The following KIF13A variants were observed in gnomAD, a reference collection of about 807,000 sequenced individuals.
KIF13A encodes the protein kinesin-like protein KIF13A.
Under a neutral mutation model 212.2 loss-of-function variants are expected in KIF13A, and 79 were observed. That is an observed-to-expected ratio of 0.37 (90% CI 0.31 to 0.45). KIF13A has a LOEUF of 0.45. Ranked by LOEUF, KIF13A falls within the 20% of genes least tolerant of loss-of-function variation. KIF13A has a pLI of 1.00. For synonymous variants in KIF13A, 789 were observed against 808.6 expected (o/e 0.98, Z 0.41); for missense variants, 1,901 against 2,209.0 (o/e 0.86, Z 2.79).
chr6:17,924,301 T>C (rs990681972), intron 2 of KIF13A, among the ~76,000 whole-genome samples: 6 of 152,228 alleles, frequency 3.9e-5, no homozygotes, highest in Middle Eastern at 6.3e-3. Context: ...TAGTTAGAGC[T>C]GGTGACAATA....
At position 17,809,058 on chromosome 6, in the gene KIF13A, G is replaced by A; in HGVS notation, c.2001-128C>T. The A allele has an allele frequency of 1.2e-6, 1 of 846,506 alleles. No individual in the cohort carries two copies. The highest frequency in any genetic ancestry group is 1.9e-5 in the South Asian group (1 of 51,890). The allele number at this position is 846,506 out of a possible 1,614,324, so 52.4% of individuals were successfully genotyped here. On this transcript the variant is annotated intron_variant, in intron 17 of 38. Transcript: ENST00000259711. This position sits in a 1 kb window ranked among gnomAD's most constrained non-coding sequence, Gnocchi z 4.7. ...CAGTATTTTTCAAACTATTTTACCAGACTACCTCTCATCCTTCCCTCCTGC... is the reference window on the plus strand; with the variant it reads ...CAGTATTTTTCAAACTATTTTACCAAACTACCTCTCATCCTTCCCTCCTGC...
rs890369791 is a variant in KIF13A at position 17,856,648 on chromosome 6, C to T, written c.221-526G>A. ...CAGGCACCCGTCACCTGTGTCCCCA[C>T]AGCGGGAGTGGGGGACAAGTTCTCT... On this transcript the variant is annotated intron_variant, in intron 4 of 38. Coordinates refer to ENST00000259711, the MANE Select transcript of KIF13A (RefSeq NM_022113.6). This position sits in a 1 kb window ranked among gnomAD's most constrained non-coding sequence, Gnocchi z 4.5. 9.2e-5 allele frequency among the ~76,000 whole-genome samples: 14 copies of T among 152,226 alleles called. No homozygotes were observed. The highest frequency in any genetic ancestry group is 2.9e-4 in the African/African-American group (12 of 41,456).
Position 17,987,412 on chromosome 6 carries a change from G to C in KIF13A, c.52C>G (p.Arg18Gly). The C allele has an allele frequency of 7.3e-7, 1 of 1,370,854 alleles. No homozygotes were observed. Among genetic ancestry groups the C allele is most frequent in the Non-Finnish European group, 9.7e-7 (1 of 1,033,498 alleles). 84.9% of individuals were successfully genotyped at this position (1,370,854 alleles called of 1,614,324 possible). The change falls in exon 1 of 39, where the codon CGA (arginine) becomes GGA (glycine). Residue 18 changes from arginine to glycine, a missense_variant. Arg to Gly is a moderately radical substitution (Grantham distance 125, BLOSUM62 -2). Transcript: ENST00000259711. This position sits in a 1 kb window ranked among gnomAD's most constrained non-coding sequence, Gnocchi z 7.7. ...VAVRVRPMNR[R>G]ELELNTKCVV... The stretch of plus-strand genomic sequence containing the variant: ...AAAAGAGCGGAAAGCTCCTCACCTC[G>C]TCGGTTCATGGGCCGGACCCGGACG...
chr6:17,873,517 G>T, intron 3 of KIF13A, 80 bp from the exon 4 acceptor site: 1 of 969,646 alleles, frequency 1.0e-6, no homozygotes, highest in Non-Finnish European at 1.6e-6. Flanking sequence ...AATCACAGGT[G>T]AAGATGAGAA....
chr6:17,820,278 C>G (rs1764317600), intron 16 of KIF13A, among the ~76,000 whole-genome samples: 1 of 152,180 alleles, frequency 6.6e-6, no homozygotes, highest in Non-Finnish European at 1.5e-5. Context: ...CTCTGAGACT[C>G]CCACAGTAGA....
intron 2 of KIF13A, among the ~76,000 whole-genome samples, chr6:17,908,182 C>G (rs1365010474): frequency 1.3e-5 from 2 of 152,216 alleles, no homozygotes. Context: ...ACGACTGCCC[C>G]ACAGTGTGAA....
In KIF13A at chr6:17,829,822, T is replaced by C. The variant is rs925179674; in HGVS notation, c.1401+1279A>G. 6.6e-6 allele frequency among the ~76,000 whole-genome samples: 1 copy of C among 152,126 alleles called. No individual in the cohort carries two copies. Among genetic ancestry groups the C allele is most frequent in the African/African-American group, 2.4e-5 (1 of 41,420 alleles). ...ACCAAATTTACACCTCTAGGAAAAG[T>C]AGAAGGTGAGGCTCCTTGCTTCAAT... On this transcript the variant is annotated intron_variant, in intron 13 of 38. Transcript: ENST00000259711. The surrounding 1 kb of genome is among the most constrained non-coding windows in gnomAD (Gnocchi z 5.4).
intron 4 of KIF13A, among the ~76,000 whole-genome samples, chr6:17,864,082 T>C (rs1769121931): frequency 6.6e-6 from 1 of 152,172 alleles, no homozygotes; most frequent in South Asian, 2.1e-4. Flanking sequence ...TAAACGAAGG[T>C]TCGTTAAGTC....
At chr6:17,759,322 C>T (rs1758488621), downstream of KIF13A, 1 of 152,028 alleles carries the variant, frequency 6.6e-6, no homozygotes, top group South Asian at 2.1e-4. Flanking sequence ...ACCAATTAAA[C>T]ACAATAAAGT....
intron 2 of KIF13A, among the ~76,000 whole-genome samples, chr6:17,904,918 T>C (rs1333035028): frequency 6.6e-6 from 1 of 152,246 alleles, no homozygotes; most frequent in Non-Finnish European, 1.5e-5. Context: ...AGCATTTGCC[T>C]CCTGGAAATT....
chr6:17,850,353 G>C lies in KIF13A; in HGVS notation c.687C>G (p.Ile229Met). ...SRSHAVFNII[I>M]TQTLYDLQSG... is the part of the protein sequence containing the mutation. Reference sequence around the variant, plus strand: ...ACTGCAGGTCATAAAGTGTCTGTGTGATTATGATGTTGAACACAGCATGGG... The same window carrying C: ...ACTGCAGGTCATAAAGTGTCTGTGTCATTATGATGTTGAACACAGCATGGG... Residue 229 changes from isoleucine to methionine, a missense_variant, in exon 8 of 39, where the codon ATC (isoleucine) becomes ATG (methionine). Ile to Met is a conservative substitution (Grantham distance 10). This residue lies in a region of KIF13A where 506 missense variants were observed against 637.4 expected (regional missense o/e 0.79). Coordinates refer to ENST00000259711, the MANE Select transcript of KIF13A (RefSeq NM_022113.6). This position sits in a 1 kb window ranked among gnomAD's most constrained non-coding sequence, Gnocchi z 6.2. The C allele has an allele frequency of 2.5e-6, 4 of 1,613,804 alleles. No homozygotes were observed. Among genetic ancestry groups the C allele is most frequent in the Non-Finnish European group, 3.4e-6 (4 of 1,179,790 alleles).
chr6:17,823,330 C>T, intron 16 of KIF13A, among the ~76,000 whole-genome samples: 1 of 151,854 alleles, frequency 6.6e-6, no homozygotes, highest in African/African-American at 2.4e-5. Context: ...CCGTGCCTGG[C>T]CCCTATACTC....
At chr6:17,921,132 T>C (rs1199494906) in intron 2 of KIF13A, among the ~76,000 whole-genome samples, 3 of 152,170 alleles carry the variant, frequency 2.0e-5, no homozygotes, top group Admixed American at 6.5e-5. Context: ...AATGTTAGTG[T>C]AGTTCAGAGT....
At position 17,975,345 on chromosome 6, in the gene KIF13A, C is replaced by T. The variant is rs141845869; in HGVS notation, c.146+11709G>A. On this transcript the variant is annotated intron_variant, in intron 2 of 38. Coordinates refer to ENST00000259711, the MANE Select transcript of KIF13A (RefSeq NM_022113.6). ...AGTAGGTTCTTGGTCTCACTAACTTCAAGAATGAAGCTGCGGACCCTCACA... is the reference window on the plus strand; with the variant it reads ...AGTAGGTTCTTGGTCTCACTAACTTTAAGAATGAAGCTGCGGACCCTCACA... Among the ~76,000 whole-genome samples, 5 of 152,246 alleles carry T rather than the reference C, an allele frequency of 3.3e-5. No individual in the cohort carries two copies. The East Asian group carries it at 9.7e-4, about 29-fold the overall frequency.
In KIF13A at chr6:17,896,033, A is replaced by G. The variant is rs550493195; in HGVS notation, c.159+2135T>C. ...GTATATGTGGGGAATTGGTTCTAGA[A>G]CCCCCATGTATACCAAAATCCACAC... On this transcript the variant is annotated intron_variant, in intron 3 of 38. Coordinates refer to ENST00000259711, the MANE Select transcript of KIF13A (RefSeq NM_022113.6). 2.0e-3 allele frequency among the ~76,000 whole-genome samples: 309 copies of G among 152,144 alleles called. 1 individual carries two copies. The highest frequency in any genetic ancestry group is 2.6e-3 in the Non-Finnish European group (179 of 67,986).
At chr6:17,845,187 C>T (rs1766899025) in intron 9 of KIF13A, among the ~76,000 whole-genome samples, 1 of 152,022 alleles carries the variant, frequency 6.6e-6, no homozygotes, top group South Asian at 2.1e-4. Context: ...TTATTCACGA[C>T]CATGAGAACA....
chr6:17,942,615 A>G (rs186812911), intron 2 of KIF13A, among the ~76,000 whole-genome samples: 279 of 152,338 alleles, frequency 1.8e-3, no homozygotes, highest in African/African-American at 6.4e-3. Context: ...CTTGGCTATT[A>G]TATTTATCAA....
intron 16 of KIF13A, among the ~76,000 whole-genome samples, chr6:17,819,471 G>A (rs1382711533): frequency 7.2e-5 from 11 of 152,136 alleles, no homozygotes; most frequent in Admixed American, 6.5e-4. Context: ...GCTGAGGCAG[G>A]AGAATTGCTT....
At chr6:17,891,850 T>C (rs964716401) in intron 3 of KIF13A, among the ~76,000 whole-genome samples, 6 of 152,178 alleles carry the variant, frequency 3.9e-5, no homozygotes, top group African/African-American at 1.2e-4. Context: ...CATGAATCCA[T>C]GGCTTTTCTT....
Sources: allele counts gnomAD v4.1 joint callset (sites outside exome capture counted in the v4.1 genomes callset), GRCh38; gene constraint gnomAD v4.1.1; regional missense constraint gnomAD v4.1.1; non-coding constraint Gnocchi (gnomAD v3.1); transcripts MANE v1.5; gene names NCBI Gene and HGNC (gene_info 2026-07-23, HGNC 2026-07-21).